The following XDH variants were observed in gnomAD, a reference collection of about 807,000 sequenced individuals.
The protein encoded by XDH is xanthine dehydrogenase.
XDH carries 138 observed loss-of-function variants against 156.1 expected under a neutral mutation model. The ratio of observed to expected loss-of-function variants is 0.88; its 90% CI spans 0.77 to 1.02. XDH has a LOEUF of 1.02. Ranked by LOEUF, XDH falls within the 50% of genes least tolerant of loss-of-function variation. The probability of loss-of-function intolerance (pLI) is 0.00; values close to 1 mark genes in which losing one functional copy is unlikely to be tolerated. For synonymous variants in XDH, 669 were observed against 625.7 expected, an observed-to-expected ratio of 1.07 and a Z score of -1.03; for missense variants, 1,849 against 1,684.9, an observed-to-expected ratio of 1.10 and a Z score of -1.71.
intron 17 of XDH, among the ~76,000 whole-genome samples, chr2:31,370,729 G>T (rs1179804718): frequency 6.6e-6 from 1 of 152,246 alleles, no homozygotes; most frequent in African/African-American, 2.4e-5. Flanking sequence ...GCCAGGCACA[G>T]TGGCTCATGC....
intron 1 of XDH, among the ~76,000 whole-genome samples, chr2:31,410,838 C>A (rs1687322249): frequency 6.6e-6 from 1 of 152,142 alleles, no homozygotes; most frequent in South Asian, 2.1e-4. Flanking sequence ...ACATGGCAAC[C>A]AACTGCAAGG....
Position 31,348,319 on chromosome 2 carries a change from C to T in XDH, c.3096G>A (p.Leu1032=), listed in dbSNP as rs779054443. Residue 1032 remains leucine, a synonymous_variant, in exon 28 of 36, where the codon CTG becomes CTA. Coordinates refer to ENST00000379416, the MANE Select transcript of XDH (RefSeq NM_000379.4). ...LHVYTDGSVL[L]THGGTEMGQG... Reference sequence around the variant, plus strand: ...GGCCCATCTCAGTCCCCCCGTGGGTCAGCAGCACAGAGCCATCTGTGTACA... The same window carrying T: ...GGCCCATCTCAGTCCCCCCGTGGGTTAGCAGCACAGAGCCATCTGTGTACA... 6.2e-7 allele frequency: 1 copy of T among 1,614,190 alleles called. No homozygotes were observed. The highest frequency in any genetic ancestry group is 8.5e-7 in the Non-Finnish European group (1 of 1,180,040).
At chr2:31,379,026 C>A (rs1686355781) in intron 13 of XDH, among the ~76,000 whole-genome samples, 1 of 152,132 alleles carries the variant, frequency 6.6e-6, no homozygotes, top group Non-Finnish European at 1.5e-5. Context: ...CAAAACATGC[C>A]TTAGAACACT....
chr2:31,355,383 T>C (rs13384006), intron 24 of XDH, among the ~76,000 whole-genome samples: 106,564 of 151,978 alleles, frequency 0.7, 37,382 homozygotes, highest in East Asian at 0.79. Context: ...CAGTAAGCTT[T>C]TCTTCTCAGT....
chr2:31,371,572 G>A (rs180947223), intron 17 of XDH, among the ~76,000 whole-genome samples: 3 of 152,282 alleles, frequency 2.0e-5, no homozygotes, highest in East Asian at 3.9e-4. Flanking sequence ...TGGTTTGAGC[G>A]TAGACAATGT....
At chr2:31,367,328 A>G (rs2148768351) in intron 20 of XDH, among the ~76,000 whole-genome samples, 1 of 152,360 alleles carries the variant, frequency 6.6e-6, no homozygotes, top group Middle Eastern at 3.4e-3. Context: ...GCAGGGATTA[A>G]TAGATGTGAT....
intron 35 of XDH, among the ~76,000 whole-genome samples, chr2:31,336,483 G>A (rs959335621): frequency 4.6e-5 from 7 of 152,016 alleles, no homozygotes; most frequent in Non-Finnish European, 1.0e-4. Context: ...TGGGAGCCAT[G>A]CCACCCACTC....
At chr2:31,392,945 T>C (rs1237292717) in intron 6 of XDH, among the ~76,000 whole-genome samples, 1 of 152,226 alleles carries the variant, frequency 6.6e-6, no homozygotes, top group African/African-American at 2.4e-5. Context: ...TCCAGCTATC[T>C]TTCTGTTATC....
intron 30 of XDH, 57 bp downstream of exon 30, chr2:31,346,712 C>A: frequency 1.9e-6 from 3 of 1,598,586 alleles, no homozygotes; most frequent in Non-Finnish European, 2.6e-6. Flanking sequence ...GGAACGGAGG[C>A]CCTGCTGTCA....
intron 30 of XDH, 95 bp downstream of exon 30, chr2:31,346,674 T>C: frequency 7.0e-7 from 1 of 1,427,452 alleles, no homozygotes; most frequent in Non-Finnish European, 9.9e-7. Flanking sequence ...CTGACTAAAA[T>C]ATTGTCTCCT....
intron 15 of XDH, among the ~76,000 whole-genome samples, chr2:31,374,453 T>C (rs1055374443): frequency 2.6e-5 from 4 of 151,822 alleles, no homozygotes; most frequent in East Asian, 1.9e-4. Context: ...TATTGATAGA[T>C]GGATGGAAGG....
At chr2:31,402,992 A>G in intron 3 of XDH, 56 bp downstream of exon 3, 4 of 1,593,482 alleles carry the variant, frequency 2.5e-6, no homozygotes, top group Non-Finnish European at 3.4e-6. Context: ...CTCCCTCACA[A>G]GCTGGTCCTG....
rs1558696689 is a variant in XDH at position 31,378,119 on chromosome 2, G to GAAAGAAAGAAA, written c.1243-883_1243-882insTTTCTTTCTTT. 7.4e-4 allele frequency among the ~76,000 whole-genome samples: 27 copies of GAAAGAAAGAAA among 36,566 alleles called. 1 individual carries two copies. The highest frequency in any genetic ancestry group is 2.4e-3 in the African/African-American group (22 of 9,060). 24.0% of individuals were successfully genotyped at this position (36,566 alleles called of 152,430 possible). A position where few individuals can be genotyped will look rare whatever the true frequency, so the allele number is the denominator to read the frequency against. On this transcript the variant is annotated intron_variant, in intron 13 of 35. Transcript: ENST00000379416. ...GAAAGAAAGAAAGAAAGGAAGGAAG[G>GAAAGAAAGAAA]AAGGAAGGAAGGAAGGAAGGAAGGA... is the stretch of plus-strand genomic sequence containing the variant.
rs950914908 is a variant in XDH at position 31,373,473 on chromosome 2, T to G, written c.1686+400A>C. ...CTGGCCCACAAAATCTAAAATGTTT[T>G]CAGGAAAAGTTTGCTGACCCTTTAC... On this transcript the variant is annotated intron_variant, in intron 16 of 35. Coordinates refer to ENST00000379416, the MANE Select transcript of XDH (RefSeq NM_000379.4). Among the ~76,000 whole-genome samples, 6 of 152,348 alleles carry G rather than the reference T, an allele frequency of 3.9e-5. No individual in the cohort carries two copies. The South Asian group carries it at 1.2e-3, about 32-fold the overall frequency.
At chr2:31,402,346 G>A (rs1219584807) in intron 3 of XDH, among the ~76,000 whole-genome samples, 1 of 152,154 alleles carries the variant, frequency 6.6e-6, no homozygotes, top group Admixed American at 6.5e-5. Flanking sequence ...CCCTGGTGGA[G>A]CTCCTGAACT....
At chr2:31,362,007 A>G (rs1339833289) in intron 24 of XDH, among the ~76,000 whole-genome samples, 2 of 152,040 alleles carry the variant, frequency 1.3e-5, no homozygotes. Flanking sequence ...GGATATTTTA[A>G]ACTCCTTAAA....
intron 24 of XDH, among the ~76,000 whole-genome samples, chr2:31,356,074 G>A (rs1685614760): frequency 6.6e-6 from 1 of 152,130 alleles, no homozygotes; most frequent in African/African-American, 2.4e-5. Context: ...CCAAAAGACA[G>A]CAATACTAAT....
At chr2:31,355,014 A>C (rs10174527) in intron 24 of XDH, among the ~76,000 whole-genome samples, 106,583 of 151,958 alleles carry the variant, frequency 0.7, 37,398 homozygotes, top group East Asian at 0.79. Context: ...ACTAAAGACA[A>C]AGGAAAAATC....
chr2:31,411,681 C>A (rs898193412), intron 1 of XDH, among the ~76,000 whole-genome samples: 1 of 152,204 alleles, frequency 6.6e-6, no homozygotes, highest in African/African-American at 2.4e-5. Flanking sequence ...TCCATCCACA[C>A]TAGTTGGACA....
Sources: gnomAD v4.1 joint callset for allele counts (sites outside exome capture counted in the v4.1 genomes callset) on GRCh38, gnomAD v4.1.1 for gene constraint, MANE v1.5 for transcripts, NCBI Gene and HGNC (gene_info 2026-07-23, HGNC 2026-07-21) for gene names.